Variants in ZSWIM3 observed in about 807,000 individuals in gnomAD.
The protein encoded by ZSWIM3 is zinc finger SWIM-type containing 3.
ZSWIM3 carries 27 observed loss-of-function variants against 47.5 expected under a neutral mutation model. That is an observed-to-expected ratio of 0.57 (90% confidence interval 0.42 to 0.78). ZSWIM3 has a LOEUF of 0.78. ZSWIM3 is among the 30% of genes least tolerant of loss of function. ZSWIM3 has a pLI of 0.00. For missense variants in ZSWIM3, 689 were observed against 861.3 expected, an observed-to-expected ratio of 0.80 and a Z score of 2.50; for synonymous variants, 333 against 333.9, an observed-to-expected ratio of 1.00 and a Z score of 0.03.
Position 45,876,942 on chromosome 20 carries a change from G to C in ZSWIM3, c.384G>C (p.Gln128His). ...AGACAATGTGCCTGCAGAGACTCCA[G>C]CCTGTGCAGCCCACAACCAAAAAAG... is the stretch of plus-strand genomic sequence containing the variant. ...SQKTMCLQRL[Q>H]PVQPTTKKDL... The change falls in exon 2 of 2, where the codon CAG becomes CAC. Residue 128 changes from glutamine to histidine, a missense_variant. Coordinates refer to ENST00000255152, the MANE Select transcript of ZSWIM3 (RefSeq NM_080752.4). The C allele has an allele frequency of 1.9e-6, 3 of 1,614,108 alleles. No homozygotes were observed. The highest frequency in any genetic ancestry group is 2.5e-6 in the Non-Finnish European group (3 of 1,180,032).
Position 45,878,204 on chromosome 20 carries a change from G to A in ZSWIM3, c.1646G>A (p.Cys549Tyr), listed in dbSNP as rs1986153286. The A allele has an allele frequency of 6.2e-7, 1 of 1,614,230 alleles. No individual in the cohort carries two copies. The highest frequency in any genetic ancestry group is 8.5e-7 in the Non-Finnish European group (1 of 1,180,046). Residue 549 changes from cysteine (C) to tyrosine (Y), a missense_variant, in exon 2 of 2, where the codon TGC becomes TAC. Transcript: ENST00000255152. Reference protein sequence around the residue: ...SHQVSKDGCSCSCSFQQWYHL... With the variant: ...SHQVSKDGCSYSCSFQQWYHL... ...CAGGTTAGCAAAGATGGCTGTAGCT[G>A]CAGCTGTTCCTTTCAACAATGGTAC...
Position 45,877,872 on chromosome 20 carries a change from T to C in ZSWIM3, c.1314T>C (p.Pro438=), listed in dbSNP as rs949162372. 6.2e-7 allele frequency: 1 copy of C among 1,614,038 alleles called. No individual in the cohort carries two copies. Among genetic ancestry groups the C allele is most frequent in the South Asian group, 1.1e-5 (1 of 91,076 alleles). The change falls in exon 2 of 2, where the codon CCT becomes CCC. Residue 438 remains proline (P), a synonymous_variant. Coordinates refer to ENST00000255152, the MANE Select transcript of ZSWIM3 (RefSeq NM_080752.4). The part of the protein sequence containing the change: ...TKGLKNLPTP[P]PKLKRARPAS... ...GCTTGAAGAACTTGCCCACACCTCC[T>C]CCCAAATTAAAGAGAGCTCGGCCGG...
At chr20:45,865,949 C>T (rs539505328) in intron 1 of ZSWIM3, among the ~76,000 whole-genome samples, 10 of 147,006 alleles carry the variant, frequency 6.8e-5, no homozygotes, top group East Asian at 6.0e-4. Context: ...GCCGAGATCA[C>T]GCCATTGCAC....
chr20:45,871,687 T>TAA (rs528243235), intron 1 of ZSWIM3, among the ~76,000 whole-genome samples: 7 of 130,916 alleles, frequency 5.3e-5, no homozygotes, highest in Middle Eastern at 3.4e-3. Flanking sequence ...CCATCTCTAC[T>TAA]AAAAAAAAAA....
intron 1 of ZSWIM3, among the ~76,000 whole-genome samples, chr20:45,869,778 C>A (rs1418443946): frequency 6.6e-6 from 1 of 151,994 alleles, no homozygotes; most frequent in African/African-American, 2.4e-5. Flanking sequence ...GGCGTGGTGG[C>A]TCACACCTGT....
Position 45,878,897 on chromosome 20 carries a change from G to C in ZSWIM3, c.*248G>C. 1 of 465,780 alleles carries C rather than the reference G, an allele frequency of 2.1e-6. No individual in the cohort carries two copies. Among genetic ancestry groups the C allele is most frequent in the Non-Finnish European group, 3.8e-6 (1 of 262,672 alleles). 28.9% of individuals were successfully genotyped at this position (465,780 alleles called of 1,614,324 possible). ...TGTTCAAGGCCAAAGTTATCTCCGT[G>C]CTGCAAGGTCACCCTCTTCCTCCCC... On this transcript the variant is annotated 3_prime_UTR_variant, in exon 2 of 2. Transcript: ENST00000255152.
intron 1 of ZSWIM3, among the ~76,000 whole-genome samples, chr20:45,859,855 C>T (rs1220164742): frequency 6.7e-6 from 1 of 149,894 alleles, no homozygotes; most frequent in Non-Finnish European, 1.5e-5. Context: ...AAGACCATCT[C>T]AGGTGGCTAG....
At chr20:45,860,241 G>A (rs1417011859) in intron 1 of ZSWIM3, among the ~76,000 whole-genome samples, 3 of 152,176 alleles carry the variant, frequency 2.0e-5, no homozygotes, top group Non-Finnish European at 2.9e-5. Flanking sequence ...CCCGCCGGGT[G>A]CAGTGGCTGA....
chr20:45,864,604 T>C (rs910859354), intron 1 of ZSWIM3, among the ~76,000 whole-genome samples: 1 of 152,240 alleles, frequency 6.6e-6, no homozygotes, highest in African/African-American at 2.4e-5. Flanking sequence ...TGCTCACGCC[T>C]ATAATCCCAA....
chr20:45,869,710 G>C (rs764541564), intron 1 of ZSWIM3, among the ~76,000 whole-genome samples: 1 of 151,978 alleles, frequency 6.6e-6, no homozygotes, highest in Non-Finnish European at 1.5e-5. Flanking sequence ...CCTTAGGAAG[G>C]CTCCCCATGT....
At chr20:45,865,395 G>A (rs1450649653) in intron 1 of ZSWIM3, among the ~76,000 whole-genome samples, 2 of 152,058 alleles carry the variant, frequency 1.3e-5, no homozygotes, top group Admixed American at 6.6e-5. Flanking sequence ...GGCTGAGGCA[G>A]GAGAATGGCG....
Position 45,877,380 on chromosome 20 carries a change from C to T in ZSWIM3, c.822C>T (p.Ser274=), listed in dbSNP as rs777906861. The T allele has an allele frequency of 1.9e-6, 3 of 1,614,164 alleles. No homozygotes were observed. Among genetic ancestry groups the T allele is most frequent in the Non-Finnish European group, 1.7e-6 (2 of 1,180,030 alleles). ...TGAGCATCTTCACAGAGTTCAACTC[C>T]GATTGGCCCAAGGTCAAGGTGGTCT... is the stretch of plus-strand genomic sequence containing the variant. The part of the protein sequence containing the change: ...KMLSIFTEFN[S]DWPKVKVVFV... Residue 274 remains serine, a synonymous_variant, in exon 2 of 2, where the codon TCC becomes TCT. Coordinates refer to ENST00000255152, the MANE Select transcript of ZSWIM3 (RefSeq NM_080752.4).
intron 1 of ZSWIM3, among the ~76,000 whole-genome samples, chr20:45,867,931 A>C (rs1181045472): frequency 1.3e-5 from 2 of 152,230 alleles, no homozygotes; most frequent in African/African-American, 4.8e-5. Flanking sequence ...CCTTGTTATC[A>C]GAGTTTTCAT....
At chr20:45,862,806 T>G (rs528518344) in intron 1 of ZSWIM3, among the ~76,000 whole-genome samples, 1 of 152,128 alleles carries the variant, frequency 6.6e-6, no homozygotes, top group East Asian at 1.9e-4. Context: ...TATTTATTTA[T>G]TTTTATTTTT....
chr20:45,860,686 C>A (rs912813676), intron 1 of ZSWIM3, among the ~76,000 whole-genome samples: 5 of 152,166 alleles, frequency 3.3e-5, no homozygotes, highest in Non-Finnish European at 5.9e-5. Context: ...CTGACTCCCT[C>A]TTCTGCCTCC....
rs765765614 is a variant in ZSWIM3 at position 45,877,550 on chromosome 20, T to C, written c.992T>C (p.Met331Thr). The C allele has an allele frequency of 6.2e-7, 1 of 1,614,178 alleles. No individual in the cohort carries two copies. Among genetic ancestry groups the C allele is most frequent in the Non-Finnish European group, 8.5e-7 (1 of 1,180,030 alleles). The change falls in exon 2 of 2, where the codon ATG becomes ACG. Residue 331 changes from methionine to threonine, a missense_variant. Met to Thr is a moderately conservative substitution (Grantham distance 81). Transcript: ENST00000255152. The part of the protein sequence containing the change: ...SSANPSFKRL[M>T]KEALREAVFV... Reference sequence around the variant, plus strand: ...GCAAATCCATCCTTTAAAAGGCTCATGAAGGAAGCCCTGCGGGAGGCCGTG... The same window carrying C: ...GCAAATCCATCCTTTAAAAGGCTCACGAAGGAAGCCCTGCGGGAGGCCGTG...
rs547861457 is a variant in ZSWIM3, at chr20:45,857,846, C to T, written c.21C>T (p.Phe7=). Residue 7 remains phenylalanine, a synonymous_variant, in exon 1 of 2, where the codon TTC becomes TTT. Coordinates refer to ENST00000255152, the MANE Select transcript of ZSWIM3 (RefSeq NM_080752.4). The part of the protein sequence containing the change: MELGSC[F]KTYEDFKECF... ...CGGCCATGGAGCTGGGCAGCTGCTTCAAGACCTATGAGGACTTCAAGGAGT... is the reference window on the plus strand; with the variant it reads ...CGGCCATGGAGCTGGGCAGCTGCTTTAAGACCTATGAGGACTTCAAGGAGT... 2 of 1,614,128 alleles carry T rather than the reference C, an allele frequency of 1.2e-6. No homozygotes were observed. The highest frequency in any genetic ancestry group is 2.2e-5 in the South Asian group (2 of 91,088).
rs1985658882 is a variant in ZSWIM3, at chr20:45,859,803, A to AC, written c.155+1823_155+1824insC. 4.0e-5 allele frequency among the ~76,000 whole-genome samples: 6 copies of AC among 148,312 alleles called. No individual in the cohort carries two copies. In the South Asian group the frequency reaches 1.3e-3, roughly 32 times the overall value. On this transcript the variant is annotated intron_variant, in intron 1 of 1. Transcript: ENST00000255152. ...CAATGAGAGGAATACAAAAAAAAAA[A>AC]AAAAAAAAAAAAACCACAGTTGCCC...
At chr20:45,858,463 C>G (rs572507951) in intron 1 of ZSWIM3, among the ~76,000 whole-genome samples, 19 of 152,300 alleles carry the variant, frequency 1.2e-4, no homozygotes, top group African/African-American at 4.1e-4. Flanking sequence ...GCTCACTGAG[C>G]CTTCAACTGC....
Sources: gnomAD v4.1 joint callset for allele counts (sites outside exome capture counted in the v4.1 genomes callset) on GRCh38, gnomAD v4.1.1 for gene constraint, MANE v1.5 for transcripts, NCBI Gene and HGNC (gene_info 2026-07-23, HGNC 2026-07-21) for gene names.